The following DNAH3 variants were observed in gnomAD, a reference collection of about 807,000 sequenced individuals.
The protein encoded by DNAH3 is dynein axonemal heavy chain 3, also known as axonemal beta dynein heavy chain 3.
A neutral mutation model predicts 432.5 loss-of-function variants in DNAH3; 332 were observed. The ratio of observed to expected loss-of-function variants is 0.77; its 90% confidence interval spans 0.70 to 0.84. The LOEUF is 0.84. Among genes scored for constraint, DNAH3 ranks in the 40% least tolerant of loss-of-function variants. The pLI, the probability that DNAH3 is intolerant of heterozygous loss-of-function variation, is 0.00. For missense variants in DNAH3, 4,861 were observed against 5,114.0 expected (o/e 0.95, Z 1.51); for synonymous variants, 1,956 against 1,900.2 (o/e 1.03, Z -0.76).
intron 47 of DNAH3, among the ~76,000 whole-genome samples, chr16:20,986,673 A>G (rs1317483099): frequency 6.6e-6 from 1 of 152,160 alleles, no homozygotes; most frequent in Admixed American, 6.5e-5. Flanking sequence ...ACCAAATAGA[A>G]GTATAGACAC....
intron 52 of DNAH3, among the ~76,000 whole-genome samples, chr16:20,967,524 C>T (rs546190885): frequency 3.2e-4 from 21 of 65,686 alleles, no homozygotes; most frequent in East Asian, 2.7e-3. Flanking sequence ...TTTTTTGAGA[C>T]GGAGTTTTGT....
In DNAH3 at chr16:20,987,464, T is replaced by C; in HGVS notation, c.6883-16A>G. Reference sequence around the variant, plus strand: ...TTTCTACATCCTAAAAATCCAGAGTTAATTATTCAAACGAGTGGAAGATGG... The same window carrying C: ...TTTCTACATCCTAAAAATCCAGAGTCAATTATTCAAACGAGTGGAAGATGG... On this transcript the variant is annotated splice_polypyrimidine_tract_variant and intron_variant, in intron 46 of 61. Coordinates refer to ENST00000261383, the Ensembl canonical transcript of DNAH3. The C allele has an allele frequency of 6.2e-7, 1 of 1,613,676 alleles. No individual in the cohort carries two copies. Among genetic ancestry groups the C allele is most frequent in the South Asian group, 1.1e-5 (1 of 91,000 alleles).
intron 14 of DNAH3, among the ~76,000 whole-genome samples, chr16:21,111,008 C>G (rs920058001): frequency 2.0e-5 from 3 of 152,048 alleles, no homozygotes; most frequent in Admixed American, 6.6e-5. Flanking sequence ...ATAGCAAGAC[C>G]CTGTCTCTGA....
intron 43 of DNAH3, among the ~76,000 whole-genome samples, chr16:20,998,025 A>G (rs1157049719): frequency 6.6e-6 from 1 of 151,980 alleles, no homozygotes; most frequent in Non-Finnish European, 1.5e-5. Context: ...AGAAAATAGA[A>G]AAGACGAGAA....
chr16:21,127,134 G>A (rs576956986), intron 8 of DNAH3, among the ~76,000 whole-genome samples: 41 of 152,098 alleles, frequency 2.7e-4, no homozygotes, highest in Admixed American at 7.9e-4. Context: ...GGTGGGGACC[G>A]CTGGTCTAAA....
chr16:21,053,980 A>G (rs1380421509), intron 28 of DNAH3, among the ~76,000 whole-genome samples: 3 of 152,110 alleles, frequency 2.0e-5, no homozygotes, highest in Admixed American at 2.0e-4. Flanking sequence ...GTTGCTTACT[A>G]TTATAGCTGT....
intron 31 of DNAH3, among the ~76,000 whole-genome samples, chr16:21,042,891 A>G (rs2089511365): frequency 6.6e-6 from 1 of 152,102 alleles, no homozygotes; most frequent in Non-Finnish European, 1.5e-5. Context: ...CTCACTGTTC[A>G]GTTCCCACCT....
intron 9 of DNAH3, among the ~76,000 whole-genome samples, chr16:21,123,074 T>C (rs568296495): frequency 2.6e-5 from 4 of 152,304 alleles, no homozygotes; most frequent in South Asian, 4.1e-4. Context: ...AGACAGCATA[T>C]AGTACCTAAC....
At chr16:20,954,187 C>T (rs1232326554) in intron 55 of DNAH3, among the ~76,000 whole-genome samples, 2 of 143,388 alleles carry the variant, frequency 1.4e-5, no homozygotes, top group African/African-American at 2.6e-5. Context: ...CACAACACCA[C>T]ACTCCAGCGT....
chr16:21,142,379 A>C (rs2092730943), intron 3 of DNAH3, among the ~76,000 whole-genome samples: 1 of 152,256 alleles, frequency 6.6e-6, no homozygotes, highest in African/African-American at 2.4e-5. Context: ...AAAAATATAC[A>C]TACATACATA....
rs762197650 is a variant in DNAH3, at chr16:20,957,808, C to CAAAAAAAAAAAAAAAAAAAA, written c.10826+1351_10826+1370dup. 2.1e-4 allele frequency among the ~76,000 whole-genome samples: 11 copies of CAAAAAAAAAAAAAAAAAAAA among 53,286 alleles called. 1 individual carries two copies. The highest frequency in any genetic ancestry group is 9.5e-4 in the East Asian group (2 of 2,108). The allele number at this position is 53,286 out of a possible 152,430, so 35.0% of individuals were successfully genotyped here. On this transcript the variant is annotated intron_variant, in intron 54 of 61. Transcript: ENST00000261383. ...GGCAATAAGAGCGAAACTCCATCTC[C>CAAAAAAAAAAAAAAAAAAAA]AAAAAAAAAAAAAAAAAAAAAAAAA...
At chr16:21,152,933 T>A (rs12597357) in intron 1 of DNAH3, among the ~76,000 whole-genome samples, 3 of 151,954 alleles carry the variant, frequency 2.0e-5, no homozygotes, top group South Asian at 2.1e-4. Flanking sequence ...CGCCACCCCC[T>A]GCTCCACGGC....
chr16:21,120,671 TTTC>T, intron 11 of DNAH3: 1 of 1,300,730 alleles, frequency 7.7e-7, no homozygotes. Context: ...TAGGCCTTGT[TTTC>T]AAACCTGGTA....
At chr16:21,023,880 T>C (rs116659629) in intron 39 of DNAH3, among the ~76,000 whole-genome samples, 1,545 of 152,048 alleles carry the variant, frequency 0.01, 26 homozygotes, top group African/African-American at 0.036. Flanking sequence ...TCCATGTATG[T>C]AGGTGATGAC....
chr16:21,012,631 C>T (rs866506823), intron 41 of DNAH3, among the ~76,000 whole-genome samples: 6 of 152,202 alleles, frequency 3.9e-5, no homozygotes, highest in Admixed American at 2.0e-4. Context: ...AACTGAATAG[C>T]ACCATCATCA....
intron 32 of DNAH3, among the ~76,000 whole-genome samples, chr16:21,041,156 A>G (rs2089424376): frequency 6.6e-6 from 1 of 152,156 alleles, no homozygotes; most frequent in Non-Finnish European, 1.5e-5. Flanking sequence ...AAATTGCCTG[A>G]GGTCAGGAGT....
At chr16:21,125,765 G>A (rs916215726) in intron 8 of DNAH3, among the ~76,000 whole-genome samples, 1 of 152,212 alleles carries the variant, frequency 6.6e-6, no homozygotes, top group African/African-American at 2.4e-5. Flanking sequence ...GGGAAAGAGA[G>A]AATGAGGAGC....
At chr16:20,989,030 C>G (rs1037814768) in intron 44 of DNAH3, among the ~76,000 whole-genome samples, 1 of 152,152 alleles carries the variant, frequency 6.6e-6, no homozygotes, top group Non-Finnish European at 1.5e-5. Context: ...CAGTGTGGAC[C>G]CACAGAGTGA....
intron 11 of DNAH3, among the ~76,000 whole-genome samples, chr16:21,119,757 C>T (rs549619145): frequency 1.2e-3 from 185 of 151,834 alleles, no homozygotes; most frequent in African/African-American, 3.5e-3. Context: ...CCACCACACC[C>T]GGCTAATTTT....
Sources: allele counts gnomAD v4.1 joint callset (sites outside exome capture counted in the v4.1 genomes callset), GRCh38; gene constraint gnomAD v4.1.1; transcripts MANE v1.5; gene names NCBI Gene and HGNC (gene_info 2026-07-23, HGNC 2026-07-21).